The following PPP3CB variants were observed in gnomAD, a reference collection of about 807,000 sequenced individuals.
PPP3CB encodes the protein protein phosphatase 3 catalytic subunit beta.
Under a neutral mutation model 66.4 loss-of-function variants are expected in PPP3CB, and 8 were observed. The ratio of observed to expected loss-of-function variants is 0.12; its 90% CI spans 0.07 to 0.22. The LOEUF is 0.22. PPP3CB is among the 10% of genes least tolerant of loss of function. The probability of loss-of-function intolerance (pLI) is 1.00; values close to 1 mark genes in which losing one functional copy is unlikely to be tolerated. For synonymous variants in PPP3CB, 208 were observed against 221.2 expected (o/e 0.94, Z 0.53); for missense variants, 319 against 642.5 (o/e 0.50, Z 5.44).
In PPP3CB at chr10:73,495,787, G is replaced by A. The variant is rs1412601689; in HGVS notation, c.85+18C>T. 1.3e-6 allele frequency: 2 copies of A among 1,525,678 alleles called. No homozygotes were observed. Among genetic ancestry groups the A allele is most frequent in the Non-Finnish European group, 1.8e-6 (2 of 1,130,196 alleles). 94.5% of individuals were successfully genotyped at this position (1,525,678 alleles called of 1,614,324 possible). ...TAGCTCTTCAGGCCAGGCCCCCAGG[G>A]TTTCGTCCACCTCTCACCTTTGACG... is the stretch of plus-strand genomic sequence containing the variant. On this transcript the variant is annotated intron_variant, in intron 1 of 13. Transcript: ENST00000360663.
chr10:73,471,813 T>C (rs117246106), intron 4 of PPP3CB, among the ~76,000 whole-genome samples, 200 bp from the exon 5 acceptor site: 3 of 152,294 alleles, frequency 2.0e-5, no homozygotes, highest in East Asian at 1.9e-4. Flanking sequence ...AAGAAAATTA[T>C]AGACAGTAAA....
Position 73,488,794 on chromosome 10 carries a change from A to G in PPP3CB, c.85+7011T>C, listed in dbSNP as rs1012644669. Among the ~76,000 whole-genome samples, 7 of 152,218 alleles carry G rather than the reference A, an allele frequency of 4.6e-5. No homozygotes were observed. In the South Asian group the frequency reaches 1.5e-3, roughly 32 times the overall value. On this transcript the variant is annotated intron_variant, in intron 1 of 13. Coordinates refer to ENST00000360663, the MANE Select transcript of PPP3CB (RefSeq NM_021132.4). The stretch of plus-strand genomic sequence containing the variant: ...ACCTGTTAAGGTATCACCATTCTCT[A>G]TCACTCACACTTAATGTCATTGTTC...
At chr10:73,451,953 A>C (rs904809596) in intron 10 of PPP3CB, among the ~76,000 whole-genome samples, 2 of 151,578 alleles carry the variant, frequency 1.3e-5, no homozygotes, top group African/African-American at 4.8e-5. Flanking sequence ...CACCATGTTA[A>C]GCCAGGATGG....
Position 73,478,719 on chromosome 10 carries a change from T to C in PPP3CB, c.287-96A>G, listed in dbSNP as rs956647579. 7 of 1,073,434 alleles carry C rather than the reference T, an allele frequency of 6.5e-6. No individual in the cohort carries two copies. The African/African-American group carries it at 8.0e-5, about 12-fold the overall frequency. 66.5% of individuals were successfully genotyped at this position (1,073,434 alleles called of 1,614,324 possible). On this transcript the variant is annotated intron_variant, in intron 2 of 13. Transcript: ENST00000360663. Reference sequence around the variant, plus strand: ...TATTTTACATAAGACATAGTACAAATGCTATCAAGAAATGTCTGAGAAGGA... The same window carrying C: ...TATTTTACATAAGACATAGTACAAACGCTATCAAGAAATGTCTGAGAAGGA...
intron 10 of PPP3CB, among the ~76,000 whole-genome samples, chr10:73,448,092 G>A (rs1364085485): frequency 6.6e-6 from 1 of 152,082 alleles, no homozygotes; most frequent in Non-Finnish European, 1.5e-5. Context: ...TAAACATTTT[G>A]TTTTAAAATT....
At chr10:73,486,047 G>A (rs1387691706) in intron 1 of PPP3CB, among the ~76,000 whole-genome samples, 2 of 151,976 alleles carry the variant, frequency 1.3e-5, no homozygotes, top group African/African-American at 4.8e-5. Flanking sequence ...CCAGGTTCAA[G>A]CGATTCTCCT....
chr10:73,484,301 GCT>G (rs1395491369), intron 1 of PPP3CB, among the ~76,000 whole-genome samples: 2 of 150,426 alleles, frequency 1.3e-5, no homozygotes, highest in East Asian at 3.9e-4. Flanking sequence ...ACGGAGTCTC[GCT>G]CTGTTGCCCA....
At chr10:73,464,254 AT>A (rs2056580419) in intron 9 of PPP3CB, among the ~76,000 whole-genome samples, 1 of 152,072 alleles carries the variant, frequency 6.6e-6, no homozygotes, top group Non-Finnish European at 1.5e-5. Flanking sequence ...AGCCATCTCA[AT>A]TCCTATAAAA....
chr10:73,483,442 G>A (rs1384780315), intron 1 of PPP3CB, among the ~76,000 whole-genome samples: 2 of 152,136 alleles, frequency 1.3e-5, no homozygotes, highest in Non-Finnish European at 2.9e-5. Context: ...ATCACTTGAG[G>A]TCAGGAATTC....
In PPP3CB at chr10:73,462,230, C is replaced by T. The variant is rs2056534777; in HGVS notation, c.1108+5323G>A. On this transcript the variant is annotated intron_variant, in intron 9 of 13. Coordinates refer to ENST00000360663, the MANE Select transcript of PPP3CB (RefSeq NM_021132.4). Reference sequence around the variant, plus strand: ...GTAGAGTGGAGTGATCAGCTAACTGCAGCCTGCAGCCTTGAACTCCTAGGC... The same window carrying T: ...GTAGAGTGGAGTGATCAGCTAACTGTAGCCTGCAGCCTTGAACTCCTAGGC... 2.7e-5 allele frequency among the ~76,000 whole-genome samples: 4 copies of T among 146,468 alleles called. No individual in the cohort carries two copies. In the South Asian group the frequency reaches 8.7e-4, roughly 32 times the overall value.
intron 10 of PPP3CB, among the ~76,000 whole-genome samples, chr10:73,450,778 A>T (rs2056331707): frequency 6.6e-6 from 1 of 152,196 alleles, no homozygotes; most frequent in Non-Finnish European, 1.5e-5. Flanking sequence ...CTGAATAAGA[A>T]AACCTGAGAA....
intron 10 of PPP3CB, among the ~76,000 whole-genome samples, chr10:73,453,643 A>G (rs1195384452): frequency 2.6e-5 from 4 of 152,226 alleles, no homozygotes; most frequent in Admixed American, 1.3e-4. Context: ...TAATACACGG[A>G]AACATTGAAA....
At chr10:73,465,966 T>C (rs1460997242) in intron 9 of PPP3CB, among the ~76,000 whole-genome samples, 1 of 152,130 alleles carries the variant, frequency 6.6e-6, no homozygotes, top group East Asian at 1.9e-4. Flanking sequence ...ACAACAAAAA[T>C]GGTCAAAAAG....
Position 73,467,613 on chromosome 10 carries a change from A to T in PPP3CB, c.1048T>A (p.Tyr350Asn). The T allele has an allele frequency of 6.3e-7, 1 of 1,585,624 alleles. No homozygotes were observed. The highest frequency in any genetic ancestry group is 8.6e-7 in the Non-Finnish European group (1 of 1,163,398). The change falls in exon 9 of 14, where the codon TAC (tyrosine) becomes AAC (asparagine). Residue 350 changes from tyrosine to asparagine, a missense_variant. Transcript: ENST00000360663. ...IRQFNCSPHP[Y>N]WLPNFMDVFT... ...ACATCCATAAAATTAGGCAACCAGT[A>T]AGGATGTGGAGAACAGTTAAACTGT...
At chr10:73,477,753 A>G (rs1003728499) in intron 3 of PPP3CB, among the ~76,000 whole-genome samples, 4 of 152,004 alleles carry the variant, frequency 2.6e-5, no homozygotes, top group Admixed American at 1.3e-4. Flanking sequence ...CCATTGCTAC[A>G]AAAAAATTAA....
chr10:73,475,410 T>C (rs2056770225), intron 3 of PPP3CB, among the ~76,000 whole-genome samples: 6 of 152,234 alleles, frequency 3.9e-5, no homozygotes, highest in Admixed American at 3.9e-4. Flanking sequence ...TTACAATATG[T>C]GAAGCACTAT....
intron 9 of PPP3CB, among the ~76,000 whole-genome samples, chr10:73,464,338 T>C (rs2056581784): frequency 6.6e-6 from 1 of 152,206 alleles, no homozygotes; most frequent in African/African-American, 2.4e-5. Flanking sequence ...GGTCCCACAT[T>C]AATCTGCAAA....
chr10:73,449,299 C>T (rs2056308610), intron 10 of PPP3CB, among the ~76,000 whole-genome samples: 1 of 152,194 alleles, frequency 6.6e-6, no homozygotes, highest in Non-Finnish European at 1.5e-5. Context: ...ATCTGAATTG[C>T]AGAACTTTTG....
chr10:73,438,577 C>T (rs1384208799), intron 13 of PPP3CB, among the ~76,000 whole-genome samples, 157 bp from the exon 14 acceptor site: 3 of 152,198 alleles, frequency 2.0e-5, no homozygotes, highest in Non-Finnish European at 4.4e-5. Flanking sequence ...TTCAGTCTTT[C>T]CTTAAAATGT....
Sources: allele counts gnomAD v4.1 joint callset (sites outside exome capture counted in the v4.1 genomes callset), GRCh38; gene constraint gnomAD v4.1.1; transcripts MANE v1.5; gene names NCBI Gene and HGNC (gene_info 2026-07-23, HGNC 2026-07-21).